The following ZMYND8 variants were observed in gnomAD, a reference collection of about 807,000 sequenced individuals.
ZMYND8 encodes the protein zinc finger MYND-type containing 8.
Under a neutral mutation model 140.8 loss-of-function variants are expected in ZMYND8, and 37 were observed. The ratio of observed to expected loss-of-function variants is 0.26; its 90% CI spans 0.20 to 0.35. The LOEUF (loss-of-function observed/expected upper bound fraction) is 0.35. Ranked by LOEUF, ZMYND8 falls within the 10% of genes least tolerant of loss-of-function variation. The pLI is 1.00. For missense variants in ZMYND8, 1,068 were observed against 1,570.0 expected, an observed-to-expected ratio of 0.68 and a Z score of 5.40; for synonymous variants, 592 against 597.1, an observed-to-expected ratio of 0.99 and a Z score of 0.12.
chr20:47,276,411 G>A lies in ZMYND8; in HGVS notation c.1383C>T (p.His461=). The A allele has an allele frequency of 2.5e-6, 4 of 1,613,234 alleles. No homozygotes were observed. Among genetic ancestry groups the A allele is most frequent in the Non-Finnish European group, 3.4e-6 (4 of 1,179,190 alleles). The change falls in exon 11 of 23, where the codon CAC becomes CAT. Residue 461 remains histidine (H), a synonymous_variant. Transcript: ENST00000471951. Reference sequence around the variant, plus strand: ...CATCCTGCTCCACGTCGGAGCCCGTGTGCACAGAAGAGTTTGTGCTCATGG... The same window carrying A: ...CATCCTGCTCCACGTCGGAGCCCGTATGCACAGAAGAGTTTGTGCTCATGG... The part of the protein sequence containing the change: ...RSPMSTNSSV[H]TGSDVEQDAE...
At chr20:47,215,874 A>G (rs1244892236) in intron 21 of ZMYND8, among the ~76,000 whole-genome samples, 1 of 152,254 alleles carries the variant, frequency 6.6e-6, no homozygotes, top group Admixed American at 6.5e-5. Context: ...ATATAAGAAC[A>G]TGGCCATTGT....
In ZMYND8 at chr20:47,283,550, A is replaced by G. The variant is rs755463251; in HGVS notation, c.882+21T>C. 9.3e-6 allele frequency: 15 copies of G among 1,613,746 alleles called. No homozygotes were observed. In the Admixed American group the frequency reaches 1.7e-4, roughly 18 times the overall value. On this transcript the variant is annotated intron_variant, in intron 9 of 22. Coordinates refer to ENST00000471951, the MANE Select transcript of ZMYND8 (RefSeq NM_001281775.3). Reference sequence around the variant, plus strand: ...GGCACAGGGTTCAGTAAATGAAATAAGCAAAGTAAATCCAACTTACACAAG... The same window carrying G: ...GGCACAGGGTTCAGTAAATGAAATAGGCAAAGTAAATCCAACTTACACAAG...
chr20:47,341,342 C>T (rs1450821698), intron 2 of ZMYND8, among the ~76,000 whole-genome samples: 1 of 151,100 alleles, frequency 6.6e-6, no homozygotes, highest in African/African-American at 2.4e-5. Flanking sequence ...GCCTGGCTAA[C>T]ATGGCAAAAC....
intron 14 of ZMYND8, among the ~76,000 whole-genome samples, chr20:47,245,514 G>A (rs928500318): frequency 1.5e-4 from 23 of 152,204 alleles, no homozygotes; most frequent in African/African-American, 5.5e-4. Context: ...CCCAAGTGCT[G>A]GGATTACAGG....
Position 47,299,088 on chromosome 20 carries a change from A to T in ZMYND8, c.235-141T>A, listed in dbSNP as rs546224133. ...TTAAAAAGCCAAACTATCTTAGGTT[A>T]CTCTACTAAATATATAATTAGCAAG... On this transcript the variant is annotated intron_variant, in intron 3 of 22. Transcript: ENST00000471951. 8 of 754,020 alleles carry T rather than the reference A, an allele frequency of 1.1e-5. No homozygotes were observed. The East Asian group carries it at 1.1e-4, about 10-fold the overall frequency. The allele number at this position is 754,020 out of a possible 1,614,324, so 46.7% of individuals were successfully genotyped here.
chr20:47,291,664 G>A (rs1413003138), intron 6 of ZMYND8, 132 bp downstream of exon 6: 7 of 524,344 alleles, frequency 1.3e-5, no homozygotes, highest in African/African-American at 2.0e-5. Context: ...CCAAATAAAG[G>A]AGCAATGAAA....
chr20:47,284,447 C>T (rs1302238252), intron 8 of ZMYND8, among the ~76,000 whole-genome samples: 3 of 152,166 alleles, frequency 2.0e-5, no homozygotes, highest in Non-Finnish European at 2.9e-5. Flanking sequence ...ATAGTCCCTG[C>T]AACAAAGAAT....
rs2073984267 is a variant in ZMYND8, at chr20:47,249,355, T to C, written c.1706A>G (p.Lys569Arg). The C allele has an allele frequency of 1.2e-6, 2 of 1,614,050 alleles. No homozygotes were observed. The highest frequency in any genetic ancestry group is 1.1e-5 in the South Asian group (1 of 91,084). ...QSTPVPLISP[K>R]RQIRSRFQLN... ...CTGGAACCTGCTACGAATCTGGCGC[T>C]TGGGAGAGATGAGAGGAACAGGGGT... Residue 569 changes from lysine (K) to arginine (R), a missense_variant, in exon 13 of 23, where the codon AAG (lysine) becomes AGG (arginine). Physicochemically the swap from Lys to Arg is conservative, Grantham distance 26 (BLOSUM62 2). Coordinates refer to ENST00000471951, the MANE Select transcript of ZMYND8 (RefSeq NM_001281775.3).
chr20:47,292,078 T>C (rs148584410), intron 5 of ZMYND8, among the ~76,000 whole-genome samples, 190 bp from the exon 6 acceptor site: 1 of 152,192 alleles, frequency 6.6e-6, no homozygotes, highest in Non-Finnish European at 1.5e-5. Context: ...TATTGATAAT[T>C]ATAAGCCCAA....
In ZMYND8 at chr20:47,246,376, T is replaced by C. The variant is rs771147167; in HGVS notation, c.1916A>G (p.Asp639Gly). The C allele has an allele frequency of 1.2e-6, 2 of 1,613,976 alleles. No homozygotes were observed. The highest frequency in any genetic ancestry group is 2.7e-5 in the African/African-American group (2 of 74,882). ...KSKNEPEDTE[D>G]KEGCQMDKEP... The stretch of plus-strand genomic sequence containing the variant: ...TTTGTCCATCTGACAACCTTCTTTG[T>C]CCTCTGTGTCTTCTGGCTCGTTCTT... The change falls in exon 14 of 23, where the codon GAC (aspartate) becomes GGC (glycine). Residue 639 changes from aspartate (D) to glycine (G), a missense_variant. Coordinates refer to ENST00000471951, the MANE Select transcript of ZMYND8 (RefSeq NM_001281775.3).
At position 47,255,720 on chromosome 20, in the gene ZMYND8, G is replaced by GTGTGTA. The variant is rs1555924708; in HGVS notation, c.1622-6282_1622-6281insTACACA. ...ATATATATATATATACCGTGTATGT[G>GTGTGTA]TGTATATATATATATATATATATAT... is the stretch of plus-strand genomic sequence containing the variant. On this transcript the variant is annotated intron_variant, in intron 12 of 22. Transcript: ENST00000471951. Among the ~76,000 whole-genome samples the GTGTGTA allele has an allele frequency of 1.1e-4, 3 of 27,240 alleles. No individual in the cohort carries two copies. In the East Asian group the frequency reaches 3.6e-3, roughly 33 times the overall value. The allele number at this position is 27,240 out of a possible 152,430, so 17.9% of individuals were successfully genotyped here.
chr20:47,323,766 A>G (rs889900802), intron 2 of ZMYND8, among the ~76,000 whole-genome samples: 18 of 152,004 alleles, frequency 1.2e-4, no homozygotes, highest in Non-Finnish European at 2.2e-4. Context: ...GGACTCCTCC[A>G]ACTGCACTCC....
intron 2 of ZMYND8, among the ~76,000 whole-genome samples, chr20:47,322,520 G>C (rs1015398904): frequency 6.8e-6 from 1 of 146,302 alleles, no homozygotes; most frequent in Non-Finnish European, 1.5e-5. Context: ...GGCTCACTGC[G>C]ACCTCCGCCT....
chr20:47,278,467 A>T (rs1336114456), intron 10 of ZMYND8, among the ~76,000 whole-genome samples: 1 of 152,256 alleles, frequency 6.6e-6, no homozygotes, highest in Non-Finnish European at 1.5e-5. Flanking sequence ...CACGTTTTCC[A>T]ATATTTTAAA....
At chr20:47,235,967 T>A (rs967589495) in intron 16 of ZMYND8, among the ~76,000 whole-genome samples, 6 of 152,178 alleles carry the variant, frequency 3.9e-5, no homozygotes, top group African/African-American at 1.2e-4. Context: ...CTGCTCCACA[T>A]GCAAAGCTCT....
chr20:47,281,679 C>T (rs2076614527), intron 10 of ZMYND8, among the ~76,000 whole-genome samples: 1 of 152,188 alleles, frequency 6.6e-6, no homozygotes, highest in South Asian at 2.1e-4. Flanking sequence ...GAGAACTACT[C>T]AGCATGATGA....
chr20:47,250,417 ATC>A (rs1022239467), intron 12 of ZMYND8, among the ~76,000 whole-genome samples: 27 of 152,198 alleles, frequency 1.8e-4, no homozygotes, highest in African/African-American at 6.3e-4. Context: ...AGTGTGAGGC[ATC>A]TGTCCTACTC....
chr20:47,316,165 T>C (rs570824218), intron 2 of ZMYND8, among the ~76,000 whole-genome samples: 3 of 152,032 alleles, frequency 2.0e-5, no homozygotes, highest in East Asian at 1.9e-4. Flanking sequence ...ACCCCGTCTC[T>C]ACTAAAAATA....
At chr20:47,271,611 C>T (rs2075951288) in intron 11 of ZMYND8, among the ~76,000 whole-genome samples, 1 of 152,158 alleles carries the variant, frequency 6.6e-6, no homozygotes, top group Non-Finnish European at 1.5e-5. Flanking sequence ...GACTTATAAC[C>T]ACATATAAAA....
Sources: gnomAD v4.1 joint callset for allele counts (sites outside exome capture counted in the v4.1 genomes callset) on GRCh38, gnomAD v4.1.1 for gene constraint, MANE v1.5 for transcripts, NCBI Gene and HGNC (gene_info 2026-07-23, HGNC 2026-07-21) for gene names.